The following VPS35L variants were observed in gnomAD, a reference collection of about 807,000 sequenced individuals.
VPS35L encodes VPS35 endosomal protein-sorting factor-like.
VPS35L carries 83 observed loss-of-function variants against 133.0 expected under a neutral mutation model. That is an observed-to-expected ratio of 0.62 (90% CI 0.52 to 0.75). The LOEUF (loss-of-function observed/expected upper bound fraction) is 0.75. VPS35L is among the 30% of genes least tolerant of loss of function. The pLI, the probability that VPS35L is intolerant of heterozygous loss-of-function variation, is 0.00. For synonymous variants in VPS35L, 423 were observed against 449.9 expected (o/e 0.94, Z 0.76); for missense variants, 1,083 against 1,206.8 (o/e 0.90, Z 1.52).
intron 1 of VPS35L, among the ~76,000 whole-genome samples, chr16:19,560,544 C>T (rs750877664): frequency 2.6e-5 from 4 of 152,064 alleles, no homozygotes; most frequent in Non-Finnish European, 4.4e-5. Context: ...ACCTATAATC[C>T]CAGCACTTTG....
intron 3 of VPS35L, among the ~76,000 whole-genome samples, chr16:19,571,504 C>T (rs746053617): frequency 2.4e-4 from 36 of 152,088 alleles, no homozygotes; most frequent in Non-Finnish European, 4.3e-4. Flanking sequence ...AGGCCTGAGC[C>T]ACTGCACCCC....
At chr16:19,618,170 A>G (rs556551738) in intron 14 of VPS35L, 5 of 152,244 alleles carry the variant, frequency 3.3e-5, no homozygotes, top group Non-Finnish European at 5.9e-5. Context: ...GAGAGACTAC[A>G]AAACAAGGAC....
Position 19,699,222 on chromosome 16 carries a change from G to A in VPS35L, c.2647-280G>A, listed in dbSNP as rs1254534594. Among the ~76,000 whole-genome samples, 1 of 152,200 alleles carries A rather than the reference G, an allele frequency of 6.6e-6. No individual in the cohort carries two copies. Among genetic ancestry groups the A allele is most frequent in the East Asian group, 1.9e-4 (1 of 5,188 alleles). On this transcript the variant is annotated intron_variant, in intron 29 of 30. Coordinates refer to ENST00000417362, the MANE Select transcript of VPS35L (RefSeq NM_020314.7). This position sits in a 1 kb window ranked among gnomAD's most constrained non-coding sequence, Gnocchi z 4.2. ...CCTTCATTCCTCGACCTCACTGACTGGTGAGTTTCTTCCATTTCATGAGTA... is the reference window on the plus strand; with the variant it reads ...CCTTCATTCCTCGACCTCACTGACTAGTGAGTTTCTTCCATTTCATGAGTA...
At position 19,682,265 on chromosome 16, in the gene VPS35L, T is replaced by G. The variant is rs761719426; in HGVS notation, c.2402T>G (p.Leu801Arg). 1.2e-6 allele frequency: 2 copies of G among 1,613,952 alleles called. No individual in the cohort carries two copies. The highest frequency in any genetic ancestry group is 2.7e-5 in the African/African-American group (2 of 74,884). Reference protein sequence around the residue: ...EHGVLFLVRELLNVIQDYTWE... With the variant: ...EHGVLFLVRERLNVIQDYTWE... ...GGGGTCCTGTTTCTTGTTCGAGAGC[T>G]TCTCAACGTGATCCAGGACTACACC... Residue 801 changes from leucine (L) to arginine (R), a missense_variant, in exon 28 of 31, where the codon CTT (leucine) becomes CGT (arginine). Transcript: ENST00000417362.
In VPS35L at chr16:19,663,669, C is replaced by CTTTTTTTTTTTT. The variant is rs59826351; in HGVS notation, c.2222-5474_2222-5463dup. 4.7e-4 allele frequency among the ~76,000 whole-genome samples: 30 copies of CTTTTTTTTTTTT among 63,914 alleles called. 1 individual carries two copies. The highest frequency in any genetic ancestry group is 1.9e-3 in the African/African-American group (27 of 13,984). The allele number at this position is 63,914 out of a possible 152,430, so 41.9% of individuals were successfully genotyped here. A position where few individuals can be genotyped will look rare whatever the true frequency, so the allele number is the denominator to read the frequency against. On this transcript the variant is annotated intron_variant, in intron 26 of 30. Transcript: ENST00000417362. ...GCTTGGTGCAACAGTGCAGTAATTT[C>CTTTTTTTTTTTT]TTTTTTTTTTTTTTTTTTTTTTTTT...
chr16:19,581,667 A>AT lies in VPS35L; in HGVS notation c.639+15dup. 1.3e-6 allele frequency: 2 copies of AT among 1,592,828 alleles called. No individual in the cohort carries two copies. Among genetic ancestry groups the AT allele is most frequent in the Non-Finnish European group, 1.7e-6 (2 of 1,174,778 alleles). Reference sequence around the variant, plus strand: ...ATAGTCATCCAGGTTAGCTCTAGTGATCCCCCACCCCCACCCAGAATTTCC... The same window carrying AT: ...ATAGTCATCCAGGTTAGCTCTAGTGATTCCCCCACCCCCACCCAGAATTTCC... On this transcript the variant is annotated intron_variant, in intron 7 of 30. Coordinates refer to ENST00000417362, the MANE Select transcript of VPS35L (RefSeq NM_020314.7).
At chr16:19,694,431 T>TACTAATTAGA (rs1364680835) in intron 29 of VPS35L, 1 of 152,082 alleles carries the variant, frequency 6.6e-6, no homozygotes, top group East Asian at 1.9e-4. Context: ...CTTTAGCTTG[T>TACTAATTAGA]ACTAATTAGA....
chr16:19,564,092 T>A (rs950902458), intron 1 of VPS35L, among the ~76,000 whole-genome samples: 15 of 152,128 alleles, frequency 9.9e-5, no homozygotes, highest in African/African-American at 3.1e-4. Context: ...ATATATATAT[T>A]TTTTGAGACA....
At chr16:19,685,694 A>C (rs936673993) in intron 28 of VPS35L, among the ~76,000 whole-genome samples, 2 of 151,994 alleles carry the variant, frequency 1.3e-5, no homozygotes, top group African/African-American at 4.8e-5. Context: ...ATTCTTTTTC[A>C]TGTCAGCTGT....
intron 7 of VPS35L, among the ~76,000 whole-genome samples, chr16:19,585,371 C>T (rs186927738): frequency 3.3e-5 from 5 of 151,584 alleles, no homozygotes; most frequent in Admixed American, 6.6e-5. Flanking sequence ...CTCTGACACT[C>T]GGTATTGTCC....
chr16:19,629,330 A>G (rs72767575), intron 17 of VPS35L, among the ~76,000 whole-genome samples: 7,763 of 152,216 alleles, frequency 0.051, 323 homozygotes, highest in Non-Finnish European at 0.071. Context: ...AAAGAAATCT[A>G]TTTATTATAA....
At position 19,569,595 on chromosome 16, in the gene VPS35L, A is replaced by AT. The variant is rs1173325866; in HGVS notation, c.285+5dup. Reference sequence around the variant, plus strand: ...CGCAGCCTTGGCAGCTGCCATGGTAATGCACCCCAGCCATGGTCGTCCAGT... The same window carrying AT: ...CGCAGCCTTGGCAGCTGCCATGGTAATTGCACCCCAGCCATGGTCGTCCAGT... On this transcript the variant is annotated splice_donor_region_variant and intron_variant, in intron 3 of 30. Transcript: ENST00000417362. 2.0e-6 allele frequency: 3 copies of AT among 1,534,656 alleles called. No homozygotes were observed. The highest frequency in any genetic ancestry group is 2.6e-6 in the Non-Finnish European group (3 of 1,142,216).
intron 7 of VPS35L, among the ~76,000 whole-genome samples, chr16:19,588,187 G>GTATTTATTTATT (rs555770404): frequency 2.0e-5 from 3 of 149,860 alleles, no homozygotes; most frequent in East Asian, 4.0e-4. Flanking sequence ...ATGTATGTAT[G>GTATTTATTTATT]TATTTATTTA....
intron 8 of VPS35L, among the ~76,000 whole-genome samples, chr16:19,599,141 C>G (rs1003489488): frequency 6.6e-6 from 1 of 152,186 alleles, no homozygotes; most frequent in African/African-American, 2.4e-5. Flanking sequence ...TTCTCTAAGG[C>G]CTTCCAGGGG....
rs555567492 is a variant in VPS35L at position 19,658,964 on chromosome 16, C to T, written c.2221+6874C>T. Among the ~76,000 whole-genome samples, 9 of 152,182 alleles carry T rather than the reference C, an allele frequency of 5.9e-5. No homozygotes were observed. In the South Asian group the frequency reaches 1.2e-3, roughly 21 times the overall value. On this transcript the variant is annotated intron_variant, in intron 26 of 30. Transcript: ENST00000417362. The stretch of plus-strand genomic sequence containing the variant: ...GGAGAAACTGAGGCTCAGGCGTGCT[C>T]AGGAACATCCAGCTAATGAGTGGCC...
At chr16:19,644,978 A>C (rs1351341848) in intron 23 of VPS35L, 29 bp downstream of exon 23, 3 of 1,456,700 alleles carry the variant, frequency 2.1e-6, no homozygotes, top group East Asian at 2.3e-5. Context: ...GTTTCAGTGC[A>C]CTTGGAAGTG....
chr16:19,627,313 G>A (rs1973298475), intron 15 of VPS35L, among the ~76,000 whole-genome samples: 1 of 151,396 alleles, frequency 6.6e-6, no homozygotes, highest in African/African-American at 2.4e-5. Context: ...CAAAACTCTT[G>A]CATAAACGAT....
chr16:19,651,089 C>T (rs965512215), intron 25 of VPS35L, among the ~76,000 whole-genome samples: 1 of 152,090 alleles, frequency 6.6e-6, no homozygotes. Context: ...ACCATGTTGG[C>T]CAGGCTGGTT....
intron 15 of VPS35L, 75 bp downstream of exon 15, chr16:19,626,298 C>G (rs1290001901): frequency 2.8e-6 from 3 of 1,086,020 alleles, no homozygotes; most frequent in Non-Finnish European, 4.2e-6. Context: ...GGCCTGCTTA[C>G]CTGGGTATGA....
Sources: allele counts gnomAD v4.1 joint callset (sites outside exome capture counted in the v4.1 genomes callset), GRCh38; gene constraint gnomAD v4.1.1; non-coding constraint Gnocchi (gnomAD v3.1); transcripts MANE v1.5; gene names NCBI Gene and HGNC (gene_info 2026-07-23, HGNC 2026-07-21).